KPNA2: variants seen among roughly 807,000 people sequenced by gnomAD.
KPNA2 encodes karyopherin subunit alpha 2.
A neutral mutation model predicts 53.7 loss-of-function variants in KPNA2; 20 were observed. The observed-to-expected ratio is 0.37, with a 90% CI of 0.26 to 0.54. The LOEUF (loss-of-function observed/expected upper bound fraction) is 0.54. Among genes scored for constraint, KPNA2 ranks in the 20% least tolerant of loss-of-function variants. The pLI is 0.83. For missense variants in KPNA2, 515 were observed against 640.3 expected, an observed-to-expected ratio of 0.80 and a Z score of 2.11; for synonymous variants, 238 against 227.5, an observed-to-expected ratio of 1.05 and a Z score of -0.42.
chr17:68,041,952 C>T, intron 4 of KPNA2, 133 bp from the exon 5 acceptor site: 1 of 726,094 alleles, frequency 1.4e-6, no homozygotes. Context: ...TCCAGAATGT[C>T]TCAGCATTTA....
At position 68,043,048 on chromosome 17, in the gene KPNA2, C is replaced by T. The variant is rs782529555; in HGVS notation, c.666+49C>T. ...TTACTCACTTCTTCATTCTAATTTC[C>T]CCCATCTTCTCAAAAGACAGAACCT... On this transcript the variant is annotated intron_variant, in intron 6 of 10. Transcript: ENST00000330459. The T allele has an allele frequency of 4.3e-6, 7 of 1,612,454 alleles. No homozygotes were observed. In the Admixed American group the frequency reaches 1.0e-4, roughly 23 times the overall value.
At chr17:68,039,261 CAG>C (rs1332187818) in intron 3 of KPNA2, among the ~76,000 whole-genome samples, 8 of 151,978 alleles carry the variant, frequency 5.3e-5, no homozygotes, top group African/African-American at 1.4e-4. Flanking sequence ...GCTGGGATCA[CAG>C]GGGATCACCA....
At chr17:68,044,641 C>CT in intron 9 of KPNA2, 138 bp downstream of exon 9, 1 of 706,944 alleles carries the variant, frequency 1.4e-6, no homozygotes. Flanking sequence ...GTGGCCACCC[C>CT]TTTGATTAAA....
intron 3 of KPNA2, among the ~76,000 whole-genome samples, chr17:68,037,868 G>A (rs7503834): frequency 0.62 from 93,980 of 151,146 alleles, 30,785 homozygotes; most frequent in Non-Finnish European, 0.73. Flanking sequence ...CAGCACAATC[G>A]GCTCACTGCA....
Position 68,046,711 on chromosome 17 carries a change from T to C in KPNA2, c.*115T>C, listed in dbSNP as rs557497772. 4.4e-5 allele frequency: 31 copies of C among 698,846 alleles called. No homozygotes were observed. Among genetic ancestry groups the C allele is most frequent in the Non-Finnish European group, 7.4e-5 (29 of 389,734 alleles). 43.3% of individuals were successfully genotyped at this position (698,846 alleles called of 1,614,324 possible). ...TTTGTTACTGTAGCACTTTTTACACTGAAACTATACTTGAACAGTTCCAAC... is the reference window on the plus strand; with the variant it reads ...TTTGTTACTGTAGCACTTTTTACACCGAAACTATACTTGAACAGTTCCAAC... On this transcript the variant is annotated 3_prime_UTR_variant, in exon 11 of 11. Coordinates refer to ENST00000330459, the MANE Select transcript of KPNA2 (RefSeq NM_002266.4).
chr17:68,043,799 G>GA, intron 7 of KPNA2, 39 bp from the exon 8 acceptor site: 2 of 1,321,006 alleles, frequency 1.5e-6, no homozygotes, highest in African/African-American at 1.5e-5. Flanking sequence ...AAGTGCTGGG[G>GA]AAAAAATAAC....
At chr17:68,038,164 A>G (rs1238367447) in intron 3 of KPNA2, among the ~76,000 whole-genome samples, 3 of 152,046 alleles carry the variant, frequency 2.0e-5, no homozygotes, top group African/African-American at 7.2e-5. Flanking sequence ...TTTAGTAGAG[A>G]CGGTGTTTCA....
At position 68,042,284 on chromosome 17, in the gene KPNA2, A is replaced by G. The variant is rs372514650; in HGVS notation, c.502A>G (p.Ile168Val). 1 of 1,614,050 alleles carries G rather than the reference A, an allele frequency of 6.2e-7. No homozygotes were observed. The highest frequency in any genetic ancestry group is 8.5e-7 in the Non-Finnish European group (1 of 1,180,038). The change falls in exon 5 of 11, where the codon ATT (isoleucine) becomes GTT (valine). Residue 168 changes from isoleucine to valine, a missense_variant. Physicochemically the swap from Ile to Val is conservative, Grantham distance 29. Transcript: ENST00000330459. Reference protein sequence around the residue: ...VVDGGAIPAFISLLASPHAHI... With the variant: ...VVDGGAIPAFVSLLASPHAHI... ...AGATGGAGGTGCCATCCCAGCATTC[A>G]TTTCTCTGTTGGCATCTCCCCATGC...
At position 68,037,604 on chromosome 17, in the gene KPNA2, T is replaced by G; in HGVS notation, c.213+109T>G. 2.8e-6 allele frequency: 3 copies of G among 1,065,848 alleles called. No homozygotes were observed. In the South Asian group the frequency reaches 4.6e-5, roughly 16 times the overall value. 66.0% of individuals were successfully genotyped at this position (1,065,848 alleles called of 1,614,324 possible). A position where few individuals can be genotyped will look rare whatever the true frequency, so the allele number is the denominator to read the frequency against. On this transcript the variant is annotated intron_variant, in intron 3 of 10. Coordinates refer to ENST00000330459, the MANE Select transcript of KPNA2 (RefSeq NM_002266.4). ...CATTTCTAGTCTTAACGGTTTTAAC[T>G]ATCTGTGAACATCTTTTTCTCTGTT...
At chr17:68,040,828 G>GC (rs1356549142) in intron 4 of KPNA2, 62 bp downstream of exon 4, 2 of 710,914 alleles carry the variant, frequency 2.8e-6, no homozygotes, top group Admixed American at 2.7e-5. Flanking sequence ...ATTTTTTTTT[G>GC]GGGGGTGGGG....
chr17:68,038,383 A>C (rs1467998554), intron 3 of KPNA2, among the ~76,000 whole-genome samples: 2 of 152,036 alleles, frequency 1.3e-5, no homozygotes, highest in Non-Finnish European at 2.9e-5. Context: ...TGGGATTACA[A>C]GCGTGAGCCA....
Position 68,037,125 on chromosome 17 carries a change from T to G in KPNA2, c.-8T>G, listed in dbSNP as rs782245821. 1 of 1,606,616 alleles carries G rather than the reference T, an allele frequency of 6.2e-7. No homozygotes were observed. Among genetic ancestry groups the G allele is most frequent in the African/African-American group, 1.3e-5 (1 of 74,448 alleles). On this transcript the variant is annotated 5_prime_UTR_variant, in exon 2 of 11. Coordinates refer to ENST00000330459, the MANE Select transcript of KPNA2 (RefSeq NM_002266.4). ...CATCTTTTAGCTTTCTCCCTTTGTCTCATAACCATGTCCACCAACGAGAAT... is the reference window on the plus strand; with the variant it reads ...CATCTTTTAGCTTTCTCCCTTTGTCGCATAACCATGTCCACCAACGAGAAT...
chr17:68,042,044 AAT>A, intron 4 of KPNA2, 39 bp from the exon 5 acceptor site: 1 of 1,542,994 alleles, frequency 6.5e-7, no homozygotes, highest in Non-Finnish European at 8.9e-7. Context: ...TCCTTTTGTT[AAT>A]CACTGTCAAC....
Position 68,043,839 on chromosome 17 carries a change from C to T in KPNA2, c.932C>T (p.Thr311Ile), listed in dbSNP as rs200362872. 15 of 1,564,246 alleles carry T rather than the reference C, an allele frequency of 9.6e-6. No homozygotes were observed. In the African/African-American group the frequency reaches 1.2e-4, roughly 13 times the overall value. Residue 311 changes from threonine to isoleucine, a missense_variant and splice_region_variant, in exon 8 of 11, where the codon ACT becomes ATT. Thr to Ile is a moderately conservative substitution (Grantham distance 89). Coordinates refer to ENST00000330459, the MANE Select transcript of KPNA2 (RefSeq NM_002266.4). ...LLGASELPIV[T>I]PALRAIGNIV... ...ATCAACATATTTTTTTTTTTTCAGA[C>T]TCCTGCCCTAAGAGCCATAGGGAAT...
chr17:68,037,314 A>G (rs782080739), intron 2 of KPNA2, 44 bp from the exon 3 acceptor site: 4 of 1,594,928 alleles, frequency 2.5e-6, no homozygotes, highest in Admixed American at 3.6e-5. Context: ...CTTAGCAACA[A>G]AAACTGGTGT....
chr17:68,041,950 G>A (rs782700833), intron 4 of KPNA2, 135 bp from the exon 5 acceptor site: 2 of 714,188 alleles, frequency 2.8e-6, no homozygotes, highest in South Asian at 1.9e-5. Flanking sequence ...GTTCCAGAAT[G>A]TCTCAGCATT....
intron 5 of KPNA2, 70 bp downstream of exon 5, chr17:68,042,423 T>G: frequency 6.8e-7 from 1 of 1,465,754 alleles, no homozygotes; most frequent in Non-Finnish European, 9.4e-7. Flanking sequence ...GGCCTTGTTA[T>G]AAGTAATAGT....
chr17:68,037,275 C>T lies in KPNA2; in HGVS notation c.75+68C>T, dbSNP rs1599137748. 7 of 1,578,370 alleles carry T rather than the reference C, an allele frequency of 4.4e-6. No individual in the cohort carries two copies. In the East Asian group the frequency reaches 9.0e-5, roughly 20 times the overall value. The stretch of plus-strand genomic sequence containing the variant: ...GAAGACATTTGGAAAGGGGTGAAAA[C>T]TGAGGTATTTAAAAAAAAAATGCCC... On this transcript the variant is annotated intron_variant, in intron 2 of 10. Transcript: ENST00000330459.
At position 68,045,898 on chromosome 17, in the gene KPNA2, A is replaced by C; in HGVS notation, c.1474A>C (p.Ile492Leu). Residue 492 changes from isoleucine to leucine, a missense_variant, in exon 10 of 11, where the codon ATT becomes CTT. Coordinates refer to ENST00000330459, the MANE Select transcript of KPNA2 (RefSeq NM_002266.4). ...TGTGTATAAGGCTTCGTTAAGCTTA[A>C]TTGAGAAGTATTTCTCTGTAGAGGT... ...ESVYKASLSL[I>L]EKYFSVEEEE... The C allele has an allele frequency of 6.3e-7, 1 of 1,591,444 alleles. No individual in the cohort carries two copies. Among genetic ancestry groups the C allele is most frequent in the Non-Finnish European group, 8.6e-7 (1 of 1,169,060 alleles).
Sources: allele counts gnomAD v4.1 joint callset (sites outside exome capture counted in the v4.1 genomes callset), GRCh38; gene constraint gnomAD v4.1.1; transcripts MANE v1.5; gene names NCBI Gene and HGNC (gene_info 2026-07-23, HGNC 2026-07-21).